EPS15: variants seen among roughly 807,000 people sequenced by gnomAD.
EPS15 encodes the protein epidermal growth factor receptor pathway substrate 15.
Under a neutral mutation model 113.8 loss-of-function variants are expected in EPS15, and 72 were observed. The ratio of observed to expected loss-of-function variants is 0.63; its 90% CI spans 0.52 to 0.77. The LOEUF (loss-of-function observed/expected upper bound fraction) is 0.77, where lower values mean the gene tolerates loss of function less well. Among genes scored for constraint, EPS15 ranks in the 30% least tolerant of loss-of-function variants. The pLI is 0.00. For synonymous variants in EPS15, 344 were observed against 363.4 expected (o/e 0.95, Z 0.61); for missense variants, 1,048 against 1,045.8 (o/e 1.00, Z -0.03).
chr1:51,392,780 T>C (rs1006992599), intron 21 of EPS15, among the ~76,000 whole-genome samples: 2 of 152,242 alleles, frequency 1.3e-5, no homozygotes. Context: ...ATCCTTAACG[T>C]GATCTCCCCT....
rs1195445195 is a variant in EPS15 at position 51,389,403 on chromosome 1, T to C, written c.2119+4978A>G. On this transcript the variant is annotated intron_variant, in intron 21 of 24. Coordinates refer to ENST00000371733, the MANE Select transcript of EPS15 (RefSeq NM_001981.3). ...AACTGCAAGCATTCCCCTTGAAAAC[T>C]GGCACAAGACAGGGATGCCCTCTCT... is the stretch of plus-strand genomic sequence containing the variant. Among the ~76,000 whole-genome samples, 3 of 152,196 alleles carry C rather than the reference T, an allele frequency of 2.0e-5. No individual in the cohort carries two copies. The South Asian group carries it at 6.2e-4, about 32-fold the overall frequency.
At chr1:51,517,612 C>G (rs150482037) in intron 1 of EPS15, among the ~76,000 whole-genome samples, 159 of 152,338 alleles carry the variant, frequency 1.0e-3, no homozygotes, top group Non-Finnish European at 2.0e-3. Flanking sequence ...AAGTCACTAA[C>G]TAGACTCACA....
rs1652505281 is a variant in EPS15, at chr1:51,440,424, T to G, written c.963A>C (p.Ile321=). Reference sequence around the variant, plus strand: ...AGAAATCTGCAACAGGACTTGATCCTATGATGTTCTAAAAACAAAAAGTTC... The same window carrying G: ...AGAAATCTGCAACAGGACTTGATCCGATGATGTTCTAAAAACAAAAAGTTC... ...SDRASLQKNI[I]GSSPVADFSA... is the part of the protein sequence containing the mutation. Residue 321 remains isoleucine, a synonymous_variant, in exon 12 of 25, where the codon ATA becomes ATC. Transcript: ENST00000371733. The G allele has an allele frequency of 1.3e-6, 2 of 1,557,938 alleles. No individual in the cohort carries two copies. Among genetic ancestry groups the G allele is most frequent in the South Asian group, 2.3e-5 (2 of 86,532 alleles).
intron 12 of EPS15, among the ~76,000 whole-genome samples, chr1:51,431,710 G>C (rs1651752954): frequency 1.3e-5 from 2 of 152,036 alleles, no homozygotes; most frequent in Admixed American, 1.3e-4. Context: ...GCCTCCCAAA[G>C]TGCTGGGATT....
At chr1:51,427,361 A>G (rs1034841067) in intron 12 of EPS15, among the ~76,000 whole-genome samples, 13 of 152,212 alleles carry the variant, frequency 8.5e-5, no homozygotes, top group Admixed American at 7.9e-4. Flanking sequence ...ACTTGTCACT[A>G]TGCTATACTT....
chr1:51,494,648 C>T (rs1329429155), intron 1 of EPS15, among the ~76,000 whole-genome samples: 1 of 152,194 alleles, frequency 6.6e-6, no homozygotes, highest in Non-Finnish European at 1.5e-5. Context: ...AGAACAGAAA[C>T]TTACTGTCTC....
intron 7 of EPS15, among the ~76,000 whole-genome samples, chr1:51,462,893 T>C (rs1654575102): frequency 1.1e-4 from 16 of 147,596 alleles, no homozygotes; most frequent in Admixed American, 8.7e-4. Flanking sequence ...TTTTTTTTTT[T>C]TTCTAAGACA....
At chr1:51,485,176 G>A (rs369363605) in intron 1 of EPS15, among the ~76,000 whole-genome samples, 20 of 152,216 alleles carry the variant, frequency 1.3e-4, no homozygotes, top group African/African-American at 4.1e-4. Context: ...AGCTTCAAAC[G>A]TCAACATTTA....
chr1:51,499,359 T>A (rs1430050348), intron 1 of EPS15, among the ~76,000 whole-genome samples: 4 of 152,332 alleles, frequency 2.6e-5, no homozygotes, highest in South Asian at 2.1e-4. Flanking sequence ...CATTTTTTTT[T>A]AATTCATTTA....
chr1:51,402,391 CT>C (rs202067917), intron 18 of EPS15, 43 bp downstream of exon 18: 199 of 1,052,964 alleles, frequency 1.9e-4, no homozygotes, highest in Middle Eastern at 3.0e-4. Flanking sequence ...ATTAAAAAGT[CT>C]TTTTTTTGGG....
At chr1:51,438,262 C>G (rs1176489046) in intron 12 of EPS15, among the ~76,000 whole-genome samples, 1 of 152,060 alleles carries the variant, frequency 6.6e-6, no homozygotes, top group Non-Finnish European at 1.5e-5. Flanking sequence ...TAAAAACTAA[C>G]AAGGTTTTGA....
chr1:51,467,240 T>C (rs1462575072), intron 5 of EPS15, among the ~76,000 whole-genome samples: 1 of 152,216 alleles, frequency 6.6e-6, no homozygotes, highest in Non-Finnish European at 1.5e-5. Flanking sequence ...GGTGAACTAG[T>C]ACAACCACTA....
intron 7 of EPS15, 29 bp from the exon 8 acceptor site, chr1:51,461,179 T>C (rs1654411892): frequency 6.8e-7 from 1 of 1,473,860 alleles, no homozygotes; most frequent in African/African-American, 1.4e-5. Flanking sequence ...GAAAAAAGAT[T>C]AATGTTCTTT....
intron 13 of EPS15, among the ~76,000 whole-genome samples, chr1:51,413,276 A>G (rs1649908504): frequency 6.6e-6 from 1 of 152,130 alleles, no homozygotes; most frequent in South Asian, 2.1e-4. Context: ...CCTATGCTCA[A>G]ACTCTACTGT....
rs138332845 is a variant in EPS15 at position 51,517,615 on chromosome 1, G to A, written c.33+1584C>T. 1.2e-4 allele frequency among the ~76,000 whole-genome samples: 18 copies of A among 152,290 alleles called. No individual in the cohort carries two copies. The East Asian group carries it at 3.5e-3, about 29-fold the overall frequency. ...CTTGTTTAATGCAAGTCACTAACTA[G>A]ACTCACAGAAAGTGAATACCTAAAA... On this transcript the variant is annotated intron_variant, in intron 1 of 24. Transcript: ENST00000371733.
chr1:51,486,493 T>C (rs1644125473), intron 1 of EPS15, among the ~76,000 whole-genome samples: 1 of 150,342 alleles, frequency 6.7e-6, no homozygotes. Context: ...TGGTGGAACA[T>C]ATAAAATAAT....
chr1:51,405,936 A>G lies in EPS15; in HGVS notation c.1646T>C (p.Leu549Pro). 6.2e-7 allele frequency: 1 copy of G among 1,614,122 alleles called. No individual in the cohort carries two copies. Among genetic ancestry groups the G allele is most frequent in the Non-Finnish European group, 8.5e-7 (1 of 1,179,998 alleles). ...TTCCTGGTGTATGGGCTCAGACTCT[A>G]GGTTGCTCTGGCCTTCAACATGTTC... is the stretch of plus-strand genomic sequence containing the variant. ...LNEHVEGQSNLESEPIHQESP... is the reference protein window; with the variant it reads ...LNEHVEGQSNPESEPIHQESP... Residue 549 changes from leucine (L) to proline (P), a missense_variant, in exon 16 of 25, where the codon CTA (leucine) becomes CCA (proline). By Grantham distance (98) the Leu-to-Pro change is moderately conservative (BLOSUM62 -3). Coordinates refer to ENST00000371733, the MANE Select transcript of EPS15 (RefSeq NM_001981.3).
chr1:51,365,158 G>C (rs72694133), intron 22 of EPS15, among the ~76,000 whole-genome samples: 2,929 of 152,252 alleles, frequency 0.019, 47 homozygotes, highest in Non-Finnish European at 0.031. Flanking sequence ...ATGTGTGTCT[G>C]AAGACCCTTT....
chr1:51,372,129 T>C, intron 21 of EPS15: 1 of 368,080 alleles, frequency 2.7e-6, no homozygotes, highest in Non-Finnish European at 5.3e-6. Flanking sequence ...AATGCATGAC[T>C]ATACATAAAT....
Sources: allele counts gnomAD v4.1 joint callset (sites outside exome capture counted in the v4.1 genomes callset), GRCh38; gene constraint gnomAD v4.1.1; transcripts MANE v1.5; gene names NCBI Gene and HGNC (gene_info 2026-07-23, HGNC 2026-07-21).